The following LRMDA variants were observed in gnomAD, a reference collection of about 807,000 sequenced individuals.
The protein encoded by LRMDA is leucine-rich melanocyte differentiation-associated protein.
In LRMDA, 18 loss-of-function variants were observed where a neutral mutation model predicts 29.8. The observed-to-expected ratio is 0.60, with a 90% CI of 0.42 to 0.90. The LOEUF is 0.90. LRMDA is among the 40% of genes least tolerant of loss of function. The pLI, the probability that LRMDA is intolerant of heterozygous loss-of-function variation, is 0.00. For synonymous variants in LRMDA, 125 were observed against 109.4 expected, an observed-to-expected ratio of 1.14 and a Z score of -0.89; for missense variants, 273 against 273.9, an observed-to-expected ratio of 1.00 and a Z score of 0.02.
At chr10:76,113,906 G>A (rs1273505897) in intron 5 of LRMDA, among the ~76,000 whole-genome samples, 1 of 152,182 alleles carries the variant, frequency 6.6e-6, no homozygotes, top group African/African-American at 2.4e-5. Context: ...CTTTTTTCCT[G>A]AAGGGATCGA....
Position 75,673,795 on chromosome 10 carries a change from C to A in LRMDA, c.131+235301C>A, listed in dbSNP as rs562406188. On this transcript the variant is annotated intron_variant, in intron 2 of 6. Coordinates refer to ENST00000611255, the MANE Select transcript of LRMDA (RefSeq NM_001305581.2). ...CAATATTCTTGCTTTATTCTCATTT[C>A]TCACCCTTTATATAGCCCTTCTTTA... is the stretch of plus-strand genomic sequence containing the variant. Among the ~76,000 whole-genome samples the A allele has an allele frequency of 7.9e-5, 12 of 152,312 alleles. No homozygotes were observed. In the South Asian group the frequency reaches 2.5e-3, roughly 32 times the overall value.
intron 2 of LRMDA, among the ~76,000 whole-genome samples, chr10:75,883,864 G>A (rs1183352292): frequency 1.3e-5 from 2 of 151,136 alleles, no homozygotes; most frequent in African/African-American, 4.9e-5. Context: ...TCTGTTAGTG[G>A]GAATGGTGAT....
At chr10:75,958,336 G>T (rs1225504007) in intron 2 of LRMDA, among the ~76,000 whole-genome samples, 2 of 152,194 alleles carry the variant, frequency 1.3e-5, no homozygotes, top group Non-Finnish European at 2.9e-5. Flanking sequence ...TAACTGGGAT[G>T]GTTTGGGAAT....
At chr10:76,258,188 A>G (rs1309865947) in intron 5 of LRMDA, among the ~76,000 whole-genome samples, 1 of 152,178 alleles carries the variant, frequency 6.6e-6, no homozygotes, top group Non-Finnish European at 1.5e-5. Flanking sequence ...TTTGTGAATA[A>G]TCTACCACCT....
chr10:75,521,939 C>T (rs930252570), intron 2 of LRMDA, among the ~76,000 whole-genome samples: 1 of 152,208 alleles, frequency 6.6e-6, no homozygotes, highest in Non-Finnish European at 1.5e-5. Flanking sequence ...AAAGCTTGAT[C>T]CTGATACATC....
chr10:75,907,976 G>A (rs183862690), intron 2 of LRMDA, among the ~76,000 whole-genome samples: 1 of 152,302 alleles, frequency 6.6e-6, no homozygotes, highest in Admixed American at 6.5e-5. Context: ...TGATGAAGAC[G>A]CTCCCTGAAG....
intron 5 of LRMDA, among the ~76,000 whole-genome samples, chr10:76,184,355 A>G (rs1443395803): frequency 6.6e-6 from 1 of 152,078 alleles, no homozygotes; most frequent in Non-Finnish European, 1.5e-5. Flanking sequence ...TTTTAATGTT[A>G]TGTCTATTCT....
chr10:75,916,333 C>T (rs1383432650), intron 2 of LRMDA, among the ~76,000 whole-genome samples: 1 of 152,128 alleles, frequency 6.6e-6, no homozygotes, highest in Non-Finnish European at 1.5e-5. Flanking sequence ...GCAGCAGAGA[C>T]TGCCAGGCAC....
intron 5 of LRMDA, among the ~76,000 whole-genome samples, chr10:76,129,443 A>G (rs1308678455): frequency 6.6e-6 from 1 of 152,154 alleles, no homozygotes; most frequent in Admixed American, 6.5e-5. Flanking sequence ...CGGAGACTGA[A>G]CGCTGGTCTC....
chr10:76,396,246 A>C (rs1841782417), intron 6 of LRMDA, among the ~76,000 whole-genome samples: 1 of 152,208 alleles, frequency 6.6e-6, no homozygotes. Context: ...AAAAGACATC[A>C]TTATTCTTTG....
intron 6 of LRMDA, among the ~76,000 whole-genome samples, chr10:76,514,378 C>T (rs1843039249): frequency 6.6e-6 from 1 of 152,110 alleles, no homozygotes; most frequent in Non-Finnish European, 1.5e-5. Context: ...CAGGTGGTTG[C>T]TTAGCAGAGA....
At chr10:76,303,786 A>C (rs2132365935) in intron 5 of LRMDA, among the ~76,000 whole-genome samples, 1 of 150,964 alleles carries the variant, frequency 6.6e-6, no homozygotes, top group Non-Finnish European at 1.5e-5. Flanking sequence ...TCTATTAATG[A>C]CCTGCAGTGA....
At chr10:76,427,235 G>A (rs6480817) in intron 6 of LRMDA, among the ~76,000 whole-genome samples, 65,201 of 151,172 alleles carry the variant, frequency 0.43, 15,049 homozygotes, top group Middle Eastern at 0.61. Flanking sequence ...CTATCCATGA[G>A]CATGGAATAT....
intron 5 of LRMDA, among the ~76,000 whole-genome samples, chr10:76,184,292 A>G (rs1214233936): frequency 6.6e-6 from 1 of 151,852 alleles, no homozygotes; most frequent in Non-Finnish European, 1.5e-5. Context: ...CAGCCTCCCA[A>G]AGTGCTGGGA....
intron 2 of LRMDA, among the ~76,000 whole-genome samples, chr10:75,638,707 G>A (rs1247066662): frequency 6.6e-6 from 1 of 152,210 alleles, no homozygotes; most frequent in Non-Finnish European, 1.5e-5. Context: ...GACAAGGAAT[G>A]GGGAAAATAT....
chr10:75,787,633 G>C (rs1047279424), intron 2 of LRMDA, among the ~76,000 whole-genome samples: 2 of 152,106 alleles, frequency 1.3e-5, no homozygotes, highest in Non-Finnish European at 2.9e-5. Context: ...TTTAAATTTT[G>C]TAAACAATGC....
intron 2 of LRMDA, among the ~76,000 whole-genome samples, chr10:75,775,903 C>T (rs1309420161): frequency 6.6e-6 from 1 of 152,198 alleles, no homozygotes; most frequent in Non-Finnish European, 1.5e-5. Flanking sequence ...GATTCTGAGG[C>T]AGAAGAAAAG....
chr10:75,927,907 G>C (rs998731646), intron 2 of LRMDA, among the ~76,000 whole-genome samples: 1 of 152,184 alleles, frequency 6.6e-6, no homozygotes, highest in South Asian at 2.1e-4. Flanking sequence ...CTGTATCTCA[G>C]TGTCCTCATT....
chr10:76,259,274 T>C (rs1310082539), intron 5 of LRMDA, among the ~76,000 whole-genome samples: 2 of 152,188 alleles, frequency 1.3e-5, no homozygotes, highest in Admixed American at 1.3e-4. Context: ...TTTTGAGCAA[T>C]GTCTGTTTAG....
Sources: allele counts gnomAD v4.1 joint callset (sites outside exome capture counted in the v4.1 genomes callset), GRCh38; gene constraint gnomAD v4.1.1; transcripts MANE v1.5; gene names NCBI Gene and HGNC (gene_info 2026-07-23, HGNC 2026-07-21).